Variants in CCDC7 observed in about 807,000 individuals in gnomAD.
CCDC7 encodes coiled-coil domain containing 7, also known as coiled-coil domain-containing protein 7.
A neutral mutation model predicts 196.9 loss-of-function variants in CCDC7; 183 were observed. That is an observed-to-expected ratio of 0.93 (90% CI 0.82 to 1.05). The LOEUF is 1.05. Among genes scored for constraint, CCDC7 ranks in the 50% least tolerant of loss-of-function variants. The probability of loss-of-function intolerance (pLI) is 0.00; values close to 1 mark genes in which losing one functional copy is unlikely to be tolerated. For synonymous variants in CCDC7, 525 were observed against 484.6 expected, an observed-to-expected ratio of 1.08 and a Z score of -1.10; for missense variants, 1,540 against 1,482.2, an observed-to-expected ratio of 1.04 and a Z score of -0.64.
chr10:32,608,673 C>T (rs529020537), intron 18 of CCDC7, among the ~76,000 whole-genome samples: 20 of 152,078 alleles, frequency 1.3e-4, no homozygotes, highest in South Asian at 8.3e-4. Flanking sequence ...CCTGAATAGC[C>T]GGGACTACAG....
intron 30 of CCDC7, 78 bp downstream of exon 31, chr10:32,805,176 A>G (rs1048653671): frequency 3.3e-5 from 33 of 990,774 alleles, no homozygotes; most frequent in African/African-American, 6.4e-5. Flanking sequence ...CTTAATAGCA[A>G]TGGTGCCCAT....
intron 3 of CCDC7, among the ~76,000 whole-genome samples, chr10:32,461,709 GTATATATA>G (rs771403958): frequency 5.2e-5 from 3 of 57,492 alleles, no homozygotes; most frequent in African/African-American, 2.3e-4. Flanking sequence ...GTGTGTGTGT[GTATATATA>G]TATATATATA....
intron 13 of CCDC7, among the ~76,000 whole-genome samples, chr10:32,564,653 G>T (rs1484235956): frequency 6.6e-6 from 1 of 151,960 alleles, no homozygotes; most frequent in Non-Finnish European, 1.5e-5. Context: ...GACTGTTGTG[G>T]GGTGGGGGGA....
chr10:32,609,025 G>T (rs2061819489), intron 18 of CCDC7, among the ~76,000 whole-genome samples: 2 of 152,168 alleles, frequency 1.3e-5, no homozygotes, highest in African/African-American at 4.8e-5. Flanking sequence ...TGGTTTTGTA[G>T]CCTAAGATAT....
At chr10:32,758,651 G>A (rs2076898159) in intron 28 of CCDC7, among the ~76,000 whole-genome samples, 1 of 152,188 alleles carries the variant, frequency 6.6e-6, no homozygotes, top group Non-Finnish European at 1.5e-5. Context: ...TACTGAATGG[G>A]CAAAAACTGG....
rs1315364563 is a variant in CCDC7 at position 32,635,040 on chromosome 10, T to C, written c.1913-17T>C. 3 of 318,996 alleles carry C rather than the reference T, an allele frequency of 9.4e-6. No individual in the cohort carries two copies. The highest frequency in any genetic ancestry group is 2.2e-5 in the African/African-American group (1 of 45,594). 19.8% of individuals were successfully genotyped at this position (318,996 alleles called of 1,614,324 possible). On this transcript the variant is annotated splice_polypyrimidine_tract_variant and intron_variant, in intron 19 of 41. Coordinates refer to ENST00000639629, the Ensembl canonical transcript of CCDC7. ...ACATATACAGAAGTTTTATCATAGA[T>C]CTGTTTTTCTGTTCAGAGACTCTTA...
intron 31 of CCDC7, among the ~76,000 whole-genome samples, chr10:32,820,140 G>A (rs2089859360): frequency 1.3e-5 from 2 of 152,116 alleles, no homozygotes; most frequent in South Asian, 4.1e-4. Flanking sequence ...AAATCAATGT[G>A]CAAAAATCAC....
chr10:32,500,670 C>T (rs774541870), intron 9 of CCDC7, among the ~76,000 whole-genome samples: 5 of 152,188 alleles, frequency 3.3e-5, no homozygotes, highest in Non-Finnish European at 5.9e-5. Context: ...GCTGCAATCT[C>T]GGCACTTTGG....
chr10:32,830,121 G>GAGATATATATATATATATATATAT (rs1555181028), intron 32 of CCDC7, among the ~76,000 whole-genome samples: 3 of 50,668 alleles, frequency 5.9e-5, no homozygotes, highest in African/African-American at 1.4e-4. Context: ...TATATATAAG[G>GAGATATATATATATATATATATAT]ATATATATAT....
At chr10:32,585,428 A>T (rs2059172268) in intron 18 of CCDC7, among the ~76,000 whole-genome samples, 1 of 152,158 alleles carries the variant, frequency 6.6e-6, no homozygotes, top group Non-Finnish European at 1.5e-5. Context: ...CAGAACGTGC[A>T]GGTTTGTTAC....
intron 31 of CCDC7, among the ~76,000 whole-genome samples, chr10:32,817,786 T>C (rs193096126): frequency 0.04 from 6,009 of 151,194 alleles, 124 homozygotes; most frequent in Middle Eastern, 0.051. Flanking sequence ...CAAGCAAATG[T>C]TGAGAGATTT....
At chr10:32,670,947 T>C (rs1037003396) in intron 21 of CCDC7, among the ~76,000 whole-genome samples, 4 of 152,162 alleles carry the variant, frequency 2.6e-5, no homozygotes, top group African/African-American at 9.6e-5. Flanking sequence ...CTTTTAGTTC[T>C]ATAAATGGTA....
rs138334839 is a variant in CCDC7, at chr10:32,468,683, G to A, written c.511-2381G>A. On this transcript the variant is annotated intron_variant, in intron 5 of 41. Transcript: ENST00000639629. ...TCTTAAAGTGTAGTTGATAGAACAC[G>A]TTTAAATGTCAGCCAAGATACCTGT... Among the ~76,000 whole-genome samples, 274 of 152,250 alleles carry A rather than the reference G, an allele frequency of 1.8e-3. 1 individual carries two copies. In the East Asian group the frequency reaches 0.028, roughly 15 times the overall value.
intron 21 of CCDC7, among the ~76,000 whole-genome samples, chr10:32,670,389 T>A (rs914939721): frequency 4.3e-4 from 65 of 152,200 alleles, no homozygotes; most frequent in Middle Eastern, 3.4e-3. Flanking sequence ...TTCTTTTTTT[T>A]TTAAATTTAT....
intron 26 of CCDC7, among the ~76,000 whole-genome samples, chr10:32,727,036 G>A (rs2083230762): frequency 2.0e-5 from 3 of 152,110 alleles, no homozygotes; most frequent in South Asian, 2.1e-4. Context: ...TTATTTCACA[G>A]CCATTGGACA....
chr10:32,843,100 AT>A (rs200591087), intron 33 of CCDC7, among the ~76,000 whole-genome samples: 1 of 150,684 alleles, frequency 6.6e-6, no homozygotes, highest in African/African-American at 2.5e-5. Flanking sequence ...AAAAAAATAA[AT>A]TTTTTTAAAA....
chr10:32,781,620 A>C (rs2081077508), intron 29 of CCDC7, among the ~76,000 whole-genome samples: 1 of 152,196 alleles, frequency 6.6e-6, no homozygotes, highest in South Asian at 2.1e-4. Context: ...TTCACGTAAA[A>C]ACAGTAAACA....
chr10:32,815,800 C>G, intron 31 of CCDC7, among the ~76,000 whole-genome samples: 1 of 152,196 alleles, frequency 6.6e-6, no homozygotes, highest in East Asian at 1.9e-4. Context: ...ACATCTGACT[C>G]AGCATTAGAA....
At chr10:32,447,728 C>G (rs1039181909), upstream of CCDC7, among the ~76,000 whole-genome samples, 2 of 151,928 alleles carry the variant, frequency 1.3e-5, no homozygotes, top group Non-Finnish European at 2.9e-5. Context: ...GTGGTGAAAC[C>G]CTGTCACTAT....
Sources: gnomAD v4.1 joint callset for allele counts (sites outside exome capture counted in the v4.1 genomes callset) on GRCh38, gnomAD v4.1.1 for gene constraint, MANE v1.5 for transcripts, NCBI Gene and HGNC (gene_info 2026-07-23, HGNC 2026-07-21) for gene names.